PHF21A: variants seen among roughly 807,000 people sequenced by gnomAD.
PHF21A encodes BHC80a.
PHF21A carries 11 observed loss-of-function variants against 82.5 expected under a neutral mutation model. That is an observed-to-expected ratio of 0.13 (90% CI 0.08 to 0.22). PHF21A has a LOEUF of 0.22. Among genes scored for constraint, PHF21A ranks in the 10% least tolerant of loss-of-function variants. The probability of loss-of-function intolerance (pLI) is 1.00; values close to 1 mark genes in which losing one functional copy is unlikely to be tolerated. For synonymous variants in PHF21A, 297 were observed against 302.8 expected (o/e 0.98, Z 0.20); for missense variants, 579 against 837.8 (o/e 0.69, Z 3.81).
intron 1 of PHF21A, among the ~76,000 whole-genome samples, chr11:46,115,394 A>G (rs2097276313): frequency 6.6e-6 from 1 of 152,234 alleles, no homozygotes; most frequent in Non-Finnish European, 1.5e-5. Context: ...ACACACATAT[A>G]AGAATTATAC....
chr11:46,003,795 C>T (rs2137101122), intron 6 of PHF21A, among the ~76,000 whole-genome samples: 2 of 152,320 alleles, frequency 1.3e-5, no homozygotes, highest in Admixed American at 1.3e-4. Flanking sequence ...TTACACTCTG[C>T]AGACATTTGC....
chr11:46,053,116 T>G (rs531124993), intron 6 of PHF21A, among the ~76,000 whole-genome samples: 1 of 152,326 alleles, frequency 6.6e-6, no homozygotes, highest in East Asian at 1.9e-4. Context: ...CATTTTCAAT[T>G]CAAAATTTGT....
At chr11:46,110,787 A>T (rs1296244128) in intron 1 of PHF21A, among the ~76,000 whole-genome samples, 1 of 129,708 alleles carries the variant, frequency 7.7e-6, no homozygotes, top group Non-Finnish European at 1.6e-5. Flanking sequence ...ACATATTAAC[A>T]ATTTTTTTTT....
rs565167413 is a variant in PHF21A, at chr11:45,987,576, G to A, written c.154-7610C>T. Among the ~76,000 whole-genome samples the A allele has an allele frequency of 2.2e-5, 3 of 136,040 alleles. No individual in the cohort carries two copies. In the South Asian group the frequency reaches 7.2e-4, roughly 33 times the overall value. The allele number at this position is 136,040 out of a possible 152,430, so 89.2% of individuals were successfully genotyped here. Reference sequence around the variant, plus strand: ...CTCGGGAGGCTGAGGCAGGAGAATTGCTTTAACCCAGGAGGCAGAAGTTGC... The same window carrying A: ...CTCGGGAGGCTGAGGCAGGAGAATTACTTTAACCCAGGAGGCAGAAGTTGC... On this transcript the variant is annotated intron_variant, in intron 6 of 18. Transcript: ENST00000676320.
intron 6 of PHF21A, among the ~76,000 whole-genome samples, chr11:45,997,133 A>G (rs903554277): frequency 2.0e-5 from 3 of 152,218 alleles, no homozygotes; most frequent in Non-Finnish European, 2.9e-5. Context: ...GTTTGTTTAC[A>G]TTTACATTTT....
rs529380846 is a variant in PHF21A, at chr11:46,094,869, C to A, written c.-236-2646G>T. On this transcript the variant is annotated intron_variant, in intron 1 of 18. Transcript: ENST00000676320. ...GAACTGAGATCGCGCCACTACACTC[C>A]AGCCTGGCGACAGAGTGAGTCTCCG... Among the ~76,000 whole-genome samples the A allele has an allele frequency of 1.4e-4, 22 of 152,260 alleles. 1 individual carries two copies. The South Asian group carries it at 3.9e-3, about 27-fold the overall frequency.
chr11:46,117,197 A>G (rs1217323279), intron 1 of PHF21A: 1 of 152,214 alleles, frequency 6.6e-6, no homozygotes, highest in African/African-American at 2.4e-5. Context: ...TTGCCTACAA[A>G]ATAGACAAAA....
At chr11:45,969,762 G>A in intron 9 of PHF21A, 53 bp downstream of exon 9, 1 of 1,218,234 alleles carries the variant, frequency 8.2e-7, no homozygotes, top group Non-Finnish European at 1.2e-6. Flanking sequence ...AAGAGCCCAT[G>A]AGGATTTCTG....
At chr11:46,070,152 GA>G (rs1346503677) in intron 6 of PHF21A, among the ~76,000 whole-genome samples, 1 of 152,138 alleles carries the variant, frequency 6.6e-6, no homozygotes, top group African/African-American at 2.4e-5. Context: ...CTATAGATCA[GA>G]AACATAACTA....
intron 6 of PHF21A, among the ~76,000 whole-genome samples, chr11:46,023,310 A>G (rs2137943906): frequency 6.6e-6 from 1 of 152,260 alleles, no homozygotes; most frequent in East Asian, 1.9e-4. Context: ...GGCCCCTTCT[A>G]TTTTGAACAT....
intron 10 of PHF21A, among the ~76,000 whole-genome samples, chr11:45,955,175 G>A (rs183914141): frequency 6.6e-6 from 1 of 152,128 alleles, no homozygotes; most frequent in East Asian, 1.9e-4. Context: ...GCATCCCTTT[G>A]TGCCTATTAT....
At chr11:45,993,410 G>A (rs999050936) in intron 6 of PHF21A, among the ~76,000 whole-genome samples, 4 of 152,078 alleles carry the variant, frequency 2.6e-5, no homozygotes, top group African/African-American at 7.2e-5. Flanking sequence ...CATTGATTCA[G>A]ATGGGGAGAG....
At chr11:45,941,464 A>C (rs917480206) in intron 15 of PHF21A, among the ~76,000 whole-genome samples, 1 of 152,182 alleles carries the variant, frequency 6.6e-6, no homozygotes, top group Non-Finnish European at 1.5e-5. Context: ...GGTAAACCCC[A>C]CTGTTCGGTC....
At chr11:45,957,615 C>G (rs2135693460) in intron 10 of PHF21A, among the ~76,000 whole-genome samples, 1 of 151,852 alleles carries the variant, frequency 6.6e-6, no homozygotes, top group East Asian at 1.9e-4. Context: ...CATACCAAAA[C>G]TTATGCGATG....
intron 3 of PHF21A, among the ~76,000 whole-genome samples, chr11:46,084,912 C>T (rs775955831): frequency 3.3e-5 from 5 of 152,054 alleles, no homozygotes; most frequent in Non-Finnish European, 7.4e-5. Flanking sequence ...GATCTCCTGA[C>T]CTCGTGATCC....
At chr11:46,032,308 ATTTC>A (rs1257462880) in intron 6 of PHF21A, among the ~76,000 whole-genome samples, 7 of 152,222 alleles carry the variant, frequency 4.6e-5, no homozygotes, top group South Asian at 2.1e-4. Flanking sequence ...AAGCTCCGTT[ATTTC>A]TTTCTAATAT....
At chr11:46,034,559 C>G (rs1237503887) in intron 6 of PHF21A, among the ~76,000 whole-genome samples, 1 of 152,106 alleles carries the variant, frequency 6.6e-6, no homozygotes, top group South Asian at 2.1e-4. Context: ...AATCTCTAAT[C>G]CACTTTAAAT....
chr11:45,949,104 C>T (rs533734334), intron 13 of PHF21A, among the ~76,000 whole-genome samples, 158 bp from the exon 14 acceptor site: 24 of 152,306 alleles, frequency 1.6e-4, no homozygotes, highest in African/African-American at 5.5e-4. Flanking sequence ...ATTGTATGTA[C>T]TTGGCTCTCA....
Position 45,971,890 on chromosome 11 carries a change from C to CTTTCTTTTTTT in PHF21A, c.361-524_361-523insAAAAAAAGAAA, listed in dbSNP as rs57081937. The stretch of plus-strand genomic sequence containing the variant: ...GTAAAAGGACAGTGTCTTTTTCTTT[C>CTTTCTTTTTTT]TTTTTTTTTTTTTTTATGGTGTCAC... On this transcript the variant is annotated intron_variant, in intron 7 of 18. Coordinates refer to ENST00000676320, the MANE Select transcript of PHF21A (RefSeq NM_001352027.3). 8.2e-4 allele frequency among the ~76,000 whole-genome samples: 41 copies of CTTTCTTTTTTT among 50,300 alleles called. 8 individuals are homozygous for CTTTCTTTTTTT. The highest frequency in any genetic ancestry group is 2.2e-3 in the South Asian group (3 of 1,360). The allele number at this position is 50,300 out of a possible 152,430, so 33.0% of individuals were successfully genotyped here.
Sources: allele counts gnomAD v4.1 joint callset (sites outside exome capture counted in the v4.1 genomes callset), GRCh38; gene constraint gnomAD v4.1.1; transcripts MANE v1.5; gene names NCBI Gene and HGNC (gene_info 2026-07-23, HGNC 2026-07-21).